Variants in FAR2 observed in about 807,000 individuals in gnomAD.
The protein encoded by FAR2 is epididymis secretory protein Li 81.
A neutral mutation model predicts 56.0 loss-of-function variants in FAR2; 19 were observed. That is an observed-to-expected ratio of 0.34 (90% CI 0.24 to 0.50). The LOEUF (loss-of-function observed/expected upper bound fraction) is 0.50. Ranked by LOEUF, FAR2 falls within the 20% of genes least tolerant of loss-of-function variation. FAR2 has a pLI of 0.98. For missense variants in FAR2, 508 were observed against 642.2 expected (o/e 0.79, Z 2.26); for synonymous variants, 219 against 218.8 (o/e 1.00, Z -0.01).
In FAR2 at chr12:29,334,982, T is replaced by G. The variant is rs540101677; in HGVS notation, c.*1188T>G. On this transcript the variant is annotated 3_prime_UTR_variant, in exon 12 of 12. Transcript: ENST00000536681. ...AATAATGTAACTGTTACACCAACTT[T>G]CCTCATATTTGAGAGATGAGTACAT... 12 of 152,312 alleles carry G rather than the reference T, an allele frequency of 7.9e-5. No homozygotes were observed. The South Asian group carries it at 2.5e-3, about 32-fold the overall frequency. 9.4% of individuals were successfully genotyped at this position (152,312 alleles called of 1,614,324 possible).
chr12:29,331,313 A>G (rs1036735939), intron 10 of FAR2: 1 of 151,852 alleles, frequency 6.6e-6, no homozygotes, highest in Non-Finnish European at 1.5e-5. Flanking sequence ...GGACAAAAGC[A>G]CCTTAAACAC....
intron 1 of FAR2, among the ~76,000 whole-genome samples, chr12:29,196,280 G>T (rs949176143): frequency 4.6e-5 from 7 of 152,068 alleles, no homozygotes; most frequent in Admixed American, 2.6e-4. Context: ...TTCCATAGAG[G>T]TTGTACTAAT....
intron 1 of FAR2, among the ~76,000 whole-genome samples, chr12:29,185,002 T>C (rs1485400382): frequency 2.0e-5 from 3 of 152,198 alleles, no homozygotes; most frequent in African/African-American, 7.2e-5. Context: ...AGTTTCCTCT[T>C]AATAAAATGG....
chr12:29,237,595 T>C (rs955039151), intron 1 of FAR2, among the ~76,000 whole-genome samples: 1 of 152,242 alleles, frequency 6.6e-6, no homozygotes, highest in African/African-American at 2.4e-5. Flanking sequence ...ACTTGTGTGA[T>C]TGAGCTGTCA....
chr12:29,191,877 C>T (rs1350927989), intron 1 of FAR2, among the ~76,000 whole-genome samples: 2 of 152,208 alleles, frequency 1.3e-5, no homozygotes, highest in African/African-American at 2.4e-5. Context: ...CCACTCCTAG[C>T]ATCAGAGCTC....
intron 9 of FAR2, among the ~76,000 whole-genome samples, chr12:29,320,661 TTG>T (rs1395950641): frequency 2.5e-4 from 38 of 152,184 alleles, no homozygotes; most frequent in African/African-American, 8.9e-4. Flanking sequence ...AAGACCTAGG[TTG>T]GGGATTAGCT....
intron 1 of FAR2, among the ~76,000 whole-genome samples, chr12:29,256,376 C>G (rs779287691): frequency 1.2e-4 from 18 of 152,064 alleles, no homozygotes; most frequent in Non-Finnish European, 1.8e-4. Context: ...TTAGTAGAGA[C>G]GGGGTCTCAC....
intron 1 of FAR2, among the ~76,000 whole-genome samples, chr12:29,176,346 A>G (rs1026486479): frequency 3.3e-5 from 5 of 152,232 alleles, no homozygotes; most frequent in South Asian, 2.1e-4. Flanking sequence ...CCTGTCATGA[A>G]GCTCTGTGAT....
intron 7 of FAR2, 129 bp from the exon 8 acceptor site, chr12:29,311,754 A>C (rs2136790907): frequency 1.6e-6 from 1 of 617,492 alleles, no homozygotes; most frequent in East Asian, 2.9e-5. Context: ...GAACGATGGA[A>C]GCCTTTCATA....
intron 1 of FAR2, among the ~76,000 whole-genome samples, chr12:29,258,563 A>G (rs184827758): frequency 6.6e-5 from 10 of 152,324 alleles, no homozygotes; most frequent in African/African-American, 1.9e-4. Flanking sequence ...TGTTTGATAT[A>G]ATCAACTCAT....
chr12:29,231,967 T>A (rs904776317), intron 1 of FAR2, among the ~76,000 whole-genome samples: 3 of 152,184 alleles, frequency 2.0e-5, no homozygotes, highest in African/African-American at 7.2e-5. Context: ...CAATGTAGAT[T>A]TTCAAATGTT....
chr12:29,159,973 T>C (rs1949767282), intron 1 of FAR2, among the ~76,000 whole-genome samples: 1 of 152,222 alleles, frequency 6.6e-6, no homozygotes, highest in Non-Finnish European at 1.5e-5. Flanking sequence ...CTATCTGTCT[T>C]TATTTCTGGA....
chr12:29,208,659 A>G (rs1947505221), intron 1 of FAR2, among the ~76,000 whole-genome samples: 1 of 152,192 alleles, frequency 6.6e-6, no homozygotes, highest in African/African-American at 2.4e-5. Flanking sequence ...AGAGAAAAAA[A>G]AAATGCCCAC....
intron 1 of FAR2, among the ~76,000 whole-genome samples, chr12:29,213,680 A>G (rs1591856853): frequency 8.9e-6 from 1 of 112,378 alleles, no homozygotes; most frequent in Admixed American, 1.1e-4. Context: ...ACAGAAGGAG[A>G]CTCTGTCTCA....
At chr12:29,268,436 T>G (rs1948555763) in intron 1 of FAR2, among the ~76,000 whole-genome samples, 1 of 152,150 alleles carries the variant, frequency 6.6e-6, no homozygotes, top group Admixed American at 6.5e-5. Flanking sequence ...GCAGCAAGAG[T>G]TGCATCTGGC....
chr12:29,240,362 C>T (rs1948007978), intron 1 of FAR2, among the ~76,000 whole-genome samples: 1 of 152,100 alleles, frequency 6.6e-6, no homozygotes, highest in African/African-American at 2.4e-5. Flanking sequence ...TCTTCCTCTC[C>T]CTGCTAATTG....
chr12:29,198,694 G>A (rs1451410839), intron 1 of FAR2, among the ~76,000 whole-genome samples: 1 of 151,918 alleles, frequency 6.6e-6, no homozygotes, highest in African/African-American at 2.4e-5. Context: ...AGATCTCTGT[G>A]AAACAATGCT....
intron 1 of FAR2, among the ~76,000 whole-genome samples, chr12:29,254,199 C>T (rs1294473302): frequency 1.3e-5 from 2 of 152,122 alleles, no homozygotes; most frequent in African/African-American, 4.8e-5. Context: ...CTTAAAAATT[C>T]TCCTGGAAAA....
At chr12:29,321,610 CT>C (rs1161848556) in intron 9 of FAR2, among the ~76,000 whole-genome samples, 184 bp from the exon 10 acceptor site, 1 of 152,116 alleles carries the variant, frequency 6.6e-6, no homozygotes, top group African/African-American at 2.4e-5. Context: ...AGATCCAGCC[CT>C]TTTCTTTTTC....
Sources: allele counts gnomAD v4.1 joint callset (sites outside exome capture counted in the v4.1 genomes callset), GRCh38; gene constraint gnomAD v4.1.1; transcripts MANE v1.5; gene names NCBI Gene and HGNC (gene_info 2026-07-23, HGNC 2026-07-21).